RAI1: variants seen among roughly 807,000 people sequenced by gnomAD.
RAI1 encodes the protein retinoic acid induced 1, also known as retinoic acid-induced protein 1.
In RAI1, 9 loss-of-function variants were observed where a neutral mutation model predicts 123.8. That is an observed-to-expected ratio of 0.07 (90% CI 0.04 to 0.13). The LOEUF (loss-of-function observed/expected upper bound fraction) is 0.13, where lower values mean the gene tolerates loss of function less well. RAI1 is among the 10% of genes least tolerant of loss of function. The pLI is 1.00. For synonymous variants in RAI1, 1,231 were observed against 1,127.3 expected (o/e 1.09, Z -1.84); for missense variants, 2,256 against 2,545.8 (o/e 0.89, Z 2.45).
intron 2 of RAI1, among the ~76,000 whole-genome samples, chr17:17,762,760 G>T (rs1037891143): frequency 2.0e-5 from 3 of 152,102 alleles, no homozygotes; most frequent in African/African-American, 7.2e-5. Context: ...AGGACACAGG[G>T]CATCCAGGAG....
Position 17,798,468 on chromosome 17 carries a change from G to C in RAI1, c.5520G>C (p.Gly1840=). Residue 1840 remains glycine, a synonymous_variant, in exon 3 of 6, where the codon GGG becomes GGC. Transcript: ENST00000353383. ...CCGGCGGCGTCTACCTGGTGGCCGG[G>C]AAGCTCTTTGGGCTGCAGGAGGCCA... is the stretch of plus-strand genomic sequence containing the variant. The part of the protein sequence containing the change: ...VWTGGVYLVA[G]KLFGLQEAMK... The C allele has an allele frequency of 6.2e-7, 1 of 1,605,596 alleles. No homozygotes were observed. Among genetic ancestry groups the C allele is most frequent in the South Asian group, 1.1e-5 (1 of 91,024 alleles).
At position 17,793,715 on chromosome 17, in the gene RAI1, G is replaced by A. The variant is rs377028008; in HGVS notation, c.767G>A (p.Ser256Asn). 4 of 1,612,884 alleles carry A rather than the reference G, an allele frequency of 2.5e-6. No individual in the cohort carries two copies. The highest frequency in any genetic ancestry group is 2.7e-5 in the African/African-American group (2 of 74,898). ...GACAGGCCGCTGACTGCCAGCTCCA[G>A]CCTGGCCCCGGGGCAGCGGGTCCAG... ...PHDRPLTASS[S>N]LAPGQRVQNL... Residue 256 changes from serine (S) to asparagine (N), a missense_variant, in exon 3 of 6, where the codon AGC (serine) becomes AAC (asparagine). By Grantham distance (46) the Ser-to-Asn change is conservative. Coordinates refer to ENST00000353383, the MANE Select transcript of RAI1 (RefSeq NM_030665.4).
In RAI1 at chr17:17,810,616, C is replaced by G. The variant is rs1323951949; in HGVS notation, c.*635C>G. On this transcript the variant is annotated 3_prime_UTR_variant, in exon 6 of 6. Coordinates refer to ENST00000353383, the MANE Select transcript of RAI1 (RefSeq NM_030665.4). This position sits in a 1 kb window ranked among gnomAD's most constrained non-coding sequence, Gnocchi z 4.6. Reference sequence around the variant, plus strand: ...TTCCCGCCCAGCCTTTGCCAGATCTCTCGTGCGGTTCGGGCAAAGCCGGGG... The same window carrying G: ...TTCCCGCCCAGCCTTTGCCAGATCTGTCGTGCGGTTCGGGCAAAGCCGGGG... 1 of 331,872 alleles carries G rather than the reference C, an allele frequency of 3.0e-6. No homozygotes were observed. The highest frequency in any genetic ancestry group is 6.0e-6 in the Non-Finnish European group (1 of 165,744). 20.6% of individuals were successfully genotyped at this position (331,872 alleles called of 1,614,324 possible).
chr17:17,783,027 T>TC (rs71155303), intron 2 of RAI1, among the ~76,000 whole-genome samples: 152,193 of 152,202 alleles, frequency 1, 76,092 homozygotes, highest in Non-Finnish European at 1. Flanking sequence ...TCGGCTGACT[T>TC]CGAGGGCGGC....
In RAI1 at chr17:17,797,579, G is replaced by A. The variant is rs1416260012; in HGVS notation, c.4631G>A (p.Arg1544Gln). ...YSKRKRLTRG[R>Q]AKNTTSSPCK... ...AAGCGGAAGCGCCTCACTCGGGGCC[G>A]GGCCAAGAACACCACCTCTTCACCC... Residue 1544 changes from arginine to glutamine, a missense_variant, in exon 3 of 6, where the codon CGG becomes CAG. Physicochemically the swap from Arg to Gln is conservative, Grantham distance 43. Transcript: ENST00000353383. 6 of 1,614,068 alleles carry A rather than the reference G, an allele frequency of 3.7e-6. No individual in the cohort carries two copies. The highest frequency in any genetic ancestry group is 1.3e-5 in the African/African-American group (1 of 75,064).
chr17:17,766,888 G>A (rs1398660588), intron 2 of RAI1, among the ~76,000 whole-genome samples: 2 of 152,102 alleles, frequency 1.3e-5, no homozygotes, highest in African/African-American at 4.8e-5. Flanking sequence ...TCAGGGGAGG[G>A]CAGGAATCTG....
Position 17,797,439 on chromosome 17 carries a change from G to A in RAI1, c.4491G>A (p.Lys1497=), listed in dbSNP as rs2032303236. Residue 1497 remains lysine (K), a synonymous_variant, in exon 3 of 6, where the codon AAG becomes AAA. Transcript: ENST00000353383. ...ASEDNSGGGG[K]KPKMEELGLA... ...AGGACAACTCTGGTGGAGGAGGCAAGAAGCCAAAGATGGAGGAGCTGGGCC... is the reference window on the plus strand; with the variant it reads ...AGGACAACTCTGGTGGAGGAGGCAAAAAGCCAAAGATGGAGGAGCTGGGCC... The A allele has an allele frequency of 1.2e-6, 2 of 1,613,328 alleles. No homozygotes were observed. Among genetic ancestry groups the A allele is most frequent in the South Asian group, 1.1e-5 (1 of 91,084 alleles).
At chr17:17,772,607 A>G (rs1488715050) in intron 2 of RAI1, among the ~76,000 whole-genome samples, 2 of 152,018 alleles carry the variant, frequency 1.3e-5, no homozygotes, top group Non-Finnish European at 2.9e-5. Context: ...CTGCATTCTC[A>G]CTACTATCTC....
chr17:17,688,841 G>T (rs1297227935), intron 1 of RAI1, among the ~76,000 whole-genome samples: 2 of 152,002 alleles, frequency 1.3e-5, no homozygotes, highest in Non-Finnish European at 2.9e-5. Flanking sequence ...CTCATGATCC[G>T]CCTGCCTCGG....
intron 2 of RAI1, among the ~76,000 whole-genome samples, chr17:17,780,082 TAAGACAAGAG>T (rs2031514704): frequency 3.0e-4 from 33 of 110,906 alleles, no homozygotes; most frequent in South Asian, 3.2e-4. Flanking sequence ...GGCTTTTTTT[TAAGACAAGAG>T]TTTTACTCTT....
At chr17:17,689,745 G>C (rs776684644) in intron 1 of RAI1, among the ~76,000 whole-genome samples, 2 of 152,178 alleles carry the variant, frequency 1.3e-5, no homozygotes, top group Non-Finnish European at 2.9e-5. Flanking sequence ...GGAACTGATA[G>C]AATCTACCTC....
At position 17,794,097 on chromosome 17, in the gene RAI1, C is replaced by T. The variant is rs746371794; in HGVS notation, c.1149C>T (p.Pro383=). 52 of 1,613,968 alleles carry T rather than the reference C, an allele frequency of 3.2e-5. No individual in the cohort carries two copies. Among genetic ancestry groups the T allele is most frequent in the East Asian group, 4.5e-5 (2 of 44,890 alleles). Residue 383 remains proline (P), a synonymous_variant, in exon 3 of 6, where the codon CCC becomes CCT. Coordinates refer to ENST00000353383, the MANE Select transcript of RAI1 (RefSeq NM_030665.4). ...AGCCGCTCAGCACCGGGGCCTTCCC[C>T]GCAGGGATCACTGACCACAGCCACT... is the stretch of plus-strand genomic sequence containing the variant. ...SQQPLSTGAF[P]AGITDHSHFM...
intron 2 of RAI1, among the ~76,000 whole-genome samples, chr17:17,758,948 G>A (rs945210908): frequency 6.6e-6 from 1 of 152,214 alleles, no homozygotes; most frequent in Non-Finnish European, 1.5e-5. Context: ...GCAGGGGTCA[G>A]AGGGTGCAGG....
chr17:17,740,286 G>A (rs1456039834), intron 2 of RAI1, among the ~76,000 whole-genome samples: 2 of 152,152 alleles, frequency 1.3e-5, no homozygotes, highest in South Asian at 4.1e-4. Context: ...CCCTGGCCAG[G>A]GGTCCCTAGC....
Position 17,714,052 on chromosome 17 carries a change from G to T in RAI1, c.-148-9976G>T, listed in dbSNP as rs1177693552. On this transcript the variant is annotated intron_variant, in intron 1 of 5. Coordinates refer to ENST00000353383, the MANE Select transcript of RAI1 (RefSeq NM_030665.4). This position sits in a 1 kb window ranked among gnomAD's most constrained non-coding sequence, Gnocchi z 4.9. ...CCCACGATGCCTCCACCCAGAGGCT[G>T]CCCTGTTCTGCTTGCATGCCTTCAG... Among the ~76,000 whole-genome samples the T allele has an allele frequency of 6.6e-6, 1 of 152,098 alleles. No individual in the cohort carries two copies. The highest frequency in any genetic ancestry group is 6.5e-5 in the Admixed American group (1 of 15,270).
chr17:17,690,391 A>G (rs1352652046), intron 1 of RAI1, among the ~76,000 whole-genome samples: 2 of 51,376 alleles, frequency 3.9e-5, no homozygotes, highest in Non-Finnish European at 1.2e-4. Flanking sequence ...CCTTGTCTCA[A>G]AAAAAAAAAA....
intron 4 of RAI1, among the ~76,000 whole-genome samples, chr17:17,806,593 C>T (rs1217640554): frequency 6.6e-6 from 1 of 152,212 alleles, no homozygotes; most frequent in Non-Finnish European, 1.5e-5. Flanking sequence ...AGCACCAGCC[C>T]TTCATTAGTT....
In RAI1 at chr17:17,797,841, C is replaced by T. The variant is rs200167769; in HGVS notation, c.4893C>T (p.Ala1631=). The change falls in exon 3 of 6, where the codon GCC becomes GCT. Residue 1631 remains alanine (A), a synonymous_variant. Transcript: ENST00000353383. ...CCCACAGGAAGCCTTCCTCCTCTGCCTCCTCTTCCTCATCCTCGTCCTCGT... is the reference window on the plus strand; with the variant it reads ...CCCACAGGAAGCCTTCCTCCTCTGCTTCCTCTTCCTCATCCTCGTCCTCGT... ...PKPHRKPSSS[A]SSSSSSSSFS... 10 of 1,614,032 alleles carry T rather than the reference C, an allele frequency of 6.2e-6. No individual in the cohort carries two copies. Among genetic ancestry groups the T allele is most frequent in the Middle Eastern group, 1.6e-4 (1 of 6,062 alleles).
chr17:17,794,527 C>G lies in RAI1; in HGVS notation c.1579C>G (p.Arg527Gly), dbSNP rs769601755. 6.2e-7 allele frequency: 1 copy of G among 1,612,768 alleles called. No homozygotes were observed. Among genetic ancestry groups the G allele is most frequent in the Non-Finnish European group, 8.5e-7 (1 of 1,179,868 alleles). The stretch of plus-strand genomic sequence containing the variant: ...GAGCGGCTCCGAGGACCCACTGGAG[C>G]GCAGCTTCCTCTACTGCAACCAGGC... ...YLSGSEDPLE[R>G]SFLYCNQARG... Residue 527 changes from arginine (R) to glycine (G), a missense_variant, in exon 3 of 6, where the codon CGC becomes GGC. By Grantham distance (125) the Arg-to-Gly change is moderately radical. Transcript: ENST00000353383.
Sources: allele counts gnomAD v4.1 joint callset (sites outside exome capture counted in the v4.1 genomes callset), GRCh38; gene constraint gnomAD v4.1.1; non-coding constraint Gnocchi (gnomAD v3.1); transcripts MANE v1.5; gene names NCBI Gene and HGNC (gene_info 2026-07-23, HGNC 2026-07-21).